Variants in HOMER1 observed in about 807,000 individuals in gnomAD.
HOMER1 encodes homer protein homolog 1.
A neutral mutation model predicts 48.9 loss-of-function variants in HOMER1; 3 were observed. The ratio of observed to expected loss-of-function variants is 0.06; its 90% confidence interval spans 0.03 to 0.16. HOMER1 has a LOEUF of 0.16. Ranked by LOEUF, HOMER1 falls within the 10% of genes least tolerant of loss-of-function variation. The pLI, the probability that HOMER1 is intolerant of heterozygous loss-of-function variation, is 1.00. For missense variants in HOMER1, 247 were observed against 411.4 expected (o/e 0.60, Z 3.46); for synonymous variants, 134 against 146.4 (o/e 0.92, Z 0.61).
chr5:79,435,392 T>C (rs1048499151), intron 5 of HOMER1, among the ~76,000 whole-genome samples: 1 of 152,192 alleles, frequency 6.6e-6, no homozygotes, highest in Non-Finnish European at 1.5e-5. Flanking sequence ...GTTCCCTATA[T>C]CCCATCTTTT....
chr5:79,413,906 C>T (rs1216360282), intron 5 of HOMER1, among the ~76,000 whole-genome samples: 1 of 152,014 alleles, frequency 6.6e-6, no homozygotes, highest in Non-Finnish European at 1.5e-5. Context: ...TACTTATTGT[C>T]AAAAGGACCT....
At chr5:79,504,985 C>T (rs1752708115) in intron 1 of HOMER1, among the ~76,000 whole-genome samples, 1 of 152,156 alleles carries the variant, frequency 6.6e-6, no homozygotes, top group South Asian at 2.1e-4. Flanking sequence ...TCTATTAAGA[C>T]TCCCCAACTA....
In HOMER1 at chr5:79,392,954, GGAGAGA is replaced by G. The variant is rs3082001; in HGVS notation, c.876+3863_876+3868del. Among the ~76,000 whole-genome samples, 1,252 of 140,798 alleles carry G rather than the reference GGAGAGA, an allele frequency of 8.9e-3. 13 individuals carry two copies. Among genetic ancestry groups the G allele is most frequent in the African/African-American group, 0.027 (1,001 of 36,966 alleles). 92.4% of individuals were successfully genotyped at this position (140,798 alleles called of 152,430 possible). A position where few individuals can be genotyped will look rare whatever the true frequency, so the allele number is the denominator to read the frequency against. On this transcript the variant is annotated intron_variant, in intron 8 of 8. Coordinates refer to ENST00000334082, the MANE Select transcript of HOMER1 (RefSeq NM_004272.5). ...GGGAGGGAGGGAAAAGAAGGGAAAG[GGAGAGA>G]GAGAGAGAGAGAGAGAGAGAGAGAG...
At chr5:79,404,851 ACCACGC>A (rs938966550) in intron 5 of HOMER1, among the ~76,000 whole-genome samples, 3 of 142,798 alleles carry the variant, frequency 2.1e-5, no homozygotes, top group African/African-American at 7.8e-5. Flanking sequence ...GGTGCCCACC[ACCACGC>A]CCAGCTATTT....
chr5:79,473,555 T>G (rs1358885962), intron 1 of HOMER1, among the ~76,000 whole-genome samples: 1 of 152,246 alleles, frequency 6.6e-6, no homozygotes, highest in Non-Finnish European at 1.5e-5. Context: ...TTTTCAGTTC[T>G]TTTAAAATTC....
intron 5 of HOMER1, among the ~76,000 whole-genome samples, chr5:79,438,793 T>G (rs903227330): frequency 6.6e-6 from 1 of 151,936 alleles, no homozygotes; most frequent in Admixed American, 6.6e-5. Flanking sequence ...AAAGGAAATG[T>G]TCACTGCAGT....
chr5:79,471,494 C>A (rs1283899220), intron 1 of HOMER1, among the ~76,000 whole-genome samples: 2 of 148,254 alleles, frequency 1.3e-5, no homozygotes, highest in East Asian at 4.0e-4. Flanking sequence ...TGCAGTGAGC[C>A]GAGATCATGC....
At chr5:79,502,877 G>A (rs896178816) in intron 1 of HOMER1, among the ~76,000 whole-genome samples, 5 of 152,134 alleles carry the variant, frequency 3.3e-5, no homozygotes, top group Admixed American at 1.3e-4. Flanking sequence ...TGCAAGCTCC[G>A]CCTCCAGGGT....
At chr5:79,451,272 A>G (rs549826502) in intron 2 of HOMER1, 151 bp from the exon 3 acceptor site, 10 of 718,850 alleles carry the variant, frequency 1.4e-5, no homozygotes, top group African/African-American at 8.8e-5. Flanking sequence ...TTCTGGCATT[A>G]TAAGTGATAG....
chr5:79,464,034 C>T lies in HOMER1; in HGVS notation c.6-7016G>A, dbSNP rs1444399273. On this transcript the variant is annotated intron_variant, in intron 1 of 8. Transcript: ENST00000334082. The stretch of plus-strand genomic sequence containing the variant: ...GGGCTCAATTACTTCGCTTTCTTAT[C>T]CTTTAGGTATTGTTTAATTTTTCTT... 2.0e-5 allele frequency among the ~76,000 whole-genome samples: 3 copies of T among 152,086 alleles called. No individual in the cohort carries two copies. The East Asian group carries it at 5.8e-4, about 29-fold the overall frequency.
chr5:79,434,916 A>G (rs1200568613), intron 5 of HOMER1, among the ~76,000 whole-genome samples: 3 of 152,318 alleles, frequency 2.0e-5, no homozygotes, highest in Non-Finnish European at 4.4e-5. Context: ...AGCTTAGTAA[A>G]TAAGTTTTTC....
chr5:79,458,716 C>G (rs966359964), intron 1 of HOMER1, among the ~76,000 whole-genome samples: 7 of 152,216 alleles, frequency 4.6e-5, no homozygotes, highest in African/African-American at 9.6e-5. Context: ...TTTTGTGCCA[C>G]TCCCTAAAAA....
In HOMER1 at chr5:79,437,760, C is replaced by T. The variant is rs561334539; in HGVS notation, c.527+1250G>A. On this transcript the variant is annotated intron_variant, in intron 5 of 8. Coordinates refer to ENST00000334082, the MANE Select transcript of HOMER1 (RefSeq NM_004272.5). Reference sequence around the variant, plus strand: ...CTTGGATTCCCAGGCTCAAGTGATCCTCCTTCCTCAGCCTCCCAAGTAGCT... The same window carrying T: ...CTTGGATTCCCAGGCTCAAGTGATCTTCCTTCCTCAGCCTCCCAAGTAGCT... Among the ~76,000 whole-genome samples the T allele has an allele frequency of 2.7e-3, 410 of 152,258 alleles. 2 individuals carry two copies. The highest frequency in any genetic ancestry group is 4.4e-3 in the Non-Finnish European group (297 of 68,014).
Position 79,373,697 on chromosome 5 carries a change from C to T in HOMER1, c.*2312G>A, listed in dbSNP as rs1748689951. 6.6e-6 allele frequency: 1 copy of T among 151,854 alleles called. No individual in the cohort carries two copies. Among genetic ancestry groups the T allele is most frequent in the Admixed American group, 6.6e-5 (1 of 15,226 alleles). 9.4% of individuals were successfully genotyped at this position (151,854 alleles called of 1,614,324 possible). On this transcript the variant is annotated 3_prime_UTR_variant, in exon 9 of 9. Transcript: ENST00000334082. ...ACCTTATCCCATATACTGTACATGT[C>T]TATTGACAATCTGGGAATTTAAAGG...
chr5:79,439,145 G>A lies in HOMER1; in HGVS notation c.392C>T (p.Ser131Phe), dbSNP rs755667325. 6.2e-7 allele frequency: 1 copy of A among 1,613,608 alleles called. No homozygotes were observed. The highest frequency in any genetic ancestry group is 1.1e-5 in the South Asian group (1 of 90,980). Residue 131 changes from serine (S) to phenylalanine (F), a missense_variant, in exon 5 of 9, where the codon TCC (serine) becomes TTC (phenylalanine). By Grantham distance (155) the Ser-to-Phe change is radical. Around this residue, in one of 4 missense-constraint regions of HOMER1, gnomAD observed 94 missense variants for 112.4 expected, o/e 0.84. Transcript: ENST00000334082. Reference sequence around the variant, plus strand: ...AGGAGACTGAAGATCCCCGCCTGCGGATTCCTTTAAAAAAAGGGGTGGGGG... The same window carrying A: ...AGGAGACTGAAGATCCCCGCCTGCGAATTCCTTTAAAAAAAGGGGTGGGGG... ...MELTSTPSQE[S>F]AGGDLQSPLT...
At chr5:79,490,242 A>C (rs1018646552) in intron 1 of HOMER1, among the ~76,000 whole-genome samples, 3 of 152,204 alleles carry the variant, frequency 2.0e-5, no homozygotes, top group African/African-American at 7.2e-5. Flanking sequence ...TGCTACCATA[A>C]GAATTTAGAA....
At position 79,498,539 on chromosome 5, in the gene HOMER1, A is replaced by C. The variant is rs115469201; in HGVS notation, c.5+14231T>G. On this transcript the variant is annotated intron_variant, in intron 1 of 8. Coordinates refer to ENST00000334082, the MANE Select transcript of HOMER1 (RefSeq NM_004272.5). ...TTTCTTTGGCCAGAGGGTTTTAAGA[A>C]TACACTGGATATGAATGTTTTTAGG... Among the ~76,000 whole-genome samples the C allele has an allele frequency of 5.2e-3, 795 of 152,288 alleles. 8 individuals carry two copies. Among genetic ancestry groups the C allele is most frequent in the African/African-American group, 0.018 (758 of 41,568 alleles).
chr5:79,447,708 G>C (rs1226395994), intron 3 of HOMER1, among the ~76,000 whole-genome samples: 1 of 151,996 alleles, frequency 6.6e-6, no homozygotes, highest in Non-Finnish European at 1.5e-5. Context: ...CAGCAGAAAG[G>C]AATAATACTC....
At chr5:79,507,633 T>C (rs1019017685) in intron 1 of HOMER1, among the ~76,000 whole-genome samples, 1 of 152,096 alleles carries the variant, frequency 6.6e-6, no homozygotes, top group Admixed American at 6.6e-5. Context: ...TCCCTACTCT[T>C]CTGTCCAGTT....
Sources: gnomAD v4.1 joint callset for allele counts (sites outside exome capture counted in the v4.1 genomes callset) on GRCh38, gnomAD v4.1.1 for gene constraint, gnomAD v4.1.1 regional missense constraint, MANE v1.5 for transcripts, NCBI Gene and HGNC (gene_info 2026-07-23, HGNC 2026-07-21) for gene names.